Variants in ARHGAP44 observed in about 807,000 individuals in gnomAD.
The protein encoded by ARHGAP44 is Rho GTPase activating protein 44, also known as rho GTPase-activating protein 44.
Under a neutral mutation model 106.8 loss-of-function variants are expected in ARHGAP44, and 43 were observed. That is an observed-to-expected ratio of 0.40 (90% CI 0.32 to 0.52). The LOEUF is 0.52. Among genes scored for constraint, ARHGAP44 ranks in the 20% least tolerant of loss-of-function variants. The pLI is 0.48. For missense variants in ARHGAP44, 866 were observed against 1,050.5 expected (o/e 0.82, Z 2.43); for synonymous variants, 439 against 410.3 (o/e 1.07, Z -0.85).
intron 16 of ARHGAP44, among the ~76,000 whole-genome samples, chr17:12,961,198 T>C (rs989502450): frequency 1.3e-5 from 2 of 152,126 alleles, no homozygotes; most frequent in Admixed American, 1.3e-4. Flanking sequence ...GCAGATGCAT[T>C]GGAGTACTCA....
chr17:12,938,593 A>C (rs2038617139), intron 7 of ARHGAP44, among the ~76,000 whole-genome samples: 1 of 151,480 alleles, frequency 6.6e-6, no homozygotes, highest in East Asian at 1.9e-4. Flanking sequence ...AAAAAAAAAA[A>C]AAAAAAAAAA....
intron 3 of ARHGAP44, 79 bp from the exon 4 acceptor site, chr17:12,908,818 T>C (rs2037638507): frequency 2.7e-6 from 3 of 1,114,628 alleles, no homozygotes; most frequent in Non-Finnish European, 4.0e-6. Context: ...CCTTGGCAAG[T>C]ATTTGACTTT....
intron 16 of ARHGAP44, among the ~76,000 whole-genome samples, chr17:12,967,566 C>T (rs1350129460): frequency 6.6e-6 from 1 of 152,062 alleles, no homozygotes; most frequent in Non-Finnish European, 1.5e-5. Context: ...ATACCAGTGA[C>T]CTTCTCACTT....
chr17:12,907,739 C>T (rs577894577), intron 3 of ARHGAP44, among the ~76,000 whole-genome samples: 7 of 152,242 alleles, frequency 4.6e-5, no homozygotes, highest in African/African-American at 1.7e-4. Context: ...TTGAGTTGTT[C>T]CCACCTTTTG....
chr17:12,941,713 A>T (rs1429979883), intron 8 of ARHGAP44, among the ~76,000 whole-genome samples: 1 of 152,234 alleles, frequency 6.6e-6, no homozygotes, highest in African/African-American at 2.4e-5. Context: ...CTCACCAATC[A>T]AAGTGATTTA....
chr17:12,808,762 C>T (rs1341824396), intron 1 of ARHGAP44, among the ~76,000 whole-genome samples: 1 of 152,178 alleles, frequency 6.6e-6, no homozygotes, highest in Non-Finnish European at 1.5e-5. Context: ...TAAGATTTGG[C>T]TCCTCGTTAC....
chr17:12,829,417 A>G (rs1190283170), intron 1 of ARHGAP44, among the ~76,000 whole-genome samples: 1 of 152,034 alleles, frequency 6.6e-6, no homozygotes, highest in African/African-American at 2.4e-5. Flanking sequence ...TTCTTATAGT[A>G]TATATTGTCT....
At chr17:12,960,136 A>G (rs2039223639) in intron 16 of ARHGAP44, among the ~76,000 whole-genome samples, 1 of 152,154 alleles carries the variant, frequency 6.6e-6, no homozygotes, top group Non-Finnish European at 1.5e-5. Flanking sequence ...GACAATTTGT[A>G]TGTGGCAGAT....
chr17:12,980,343 G>A (rs1408411526), intron 19 of ARHGAP44, 110 bp downstream of exon 19: 3 of 1,192,802 alleles, frequency 2.5e-6, no homozygotes, highest in Non-Finnish European at 3.5e-6. Flanking sequence ...GTGTGGTTTA[G>A]TGACTAATTC....
chr17:12,812,155 C>T (rs1364195408), intron 1 of ARHGAP44, among the ~76,000 whole-genome samples: 3 of 152,222 alleles, frequency 2.0e-5, no homozygotes, highest in East Asian at 1.9e-4. Context: ...ATCTTACCCT[C>T]GAGGGGCTTA....
intron 19 of ARHGAP44, among the ~76,000 whole-genome samples, chr17:12,983,846 G>A (rs916112096): frequency 6.6e-6 from 1 of 152,044 alleles, no homozygotes; most frequent in Non-Finnish European, 1.5e-5. Flanking sequence ...GAAAAACAAC[G>A]AAAAATGCAG....
intron 3 of ARHGAP44, 85 bp from the exon 4 acceptor site, chr17:12,908,812 G>A (rs1212819084): frequency 9.6e-6 from 10 of 1,037,310 alleles, no homozygotes; most frequent in African/African-American, 1.6e-5. Context: ...ATAATACCTT[G>A]GCAAGTATTT....
chr17:12,947,803 G>A (rs561896091), intron 10 of ARHGAP44, among the ~76,000 whole-genome samples: 2 of 152,292 alleles, frequency 1.3e-5, no homozygotes, highest in East Asian at 3.9e-4. Context: ...GCAGTTGGCT[G>A]TCTTTGTCGT....
Position 12,861,644 on chromosome 17 carries a change from C to CTTTTTTTTTTTTTTTTTTTTTTT in ARHGAP44, c.54-33282_54-33281insTTTTTTTTTTTTTTTTTTTTTTT, listed in dbSNP as rs71144930. Among the ~76,000 whole-genome samples the CTTTTTTTTTTTTTTTTTTTTTTT allele has an allele frequency of 4.8e-3, 325 of 67,700 alleles. 83 individuals are homozygous for CTTTTTTTTTTTTTTTTTTTTTTT. The highest frequency in any genetic ancestry group is 7.0e-3 in the Non-Finnish European group (243 of 34,914). The allele number at this position is 67,700 out of a possible 152,430, so 44.4% of individuals were successfully genotyped here. A position where few individuals can be genotyped will look rare whatever the true frequency, so the allele number is the denominator to read the frequency against. On this transcript the variant is annotated intron_variant, in intron 1 of 20. Coordinates refer to ENST00000379672, the MANE Select transcript of ARHGAP44 (RefSeq NM_014859.6). Reference sequence around the variant, plus strand: ...AATTCCTCTTCTGCCTCCTCTTCCACTTTTTTTTTTTTTTGAGATGGAATC... The same window carrying CTTTTTTTTTTTTTTTTTTTTTTT: ...AATTCCTCTTCTGCCTCCTCTTCCACTTTTTTTTTTTTTTTTTTTTTTTTTTTTTTTTTTTTTGAGATGGAATC...
chr17:12,935,180 GATA>G (rs1164245815), intron 7 of ARHGAP44, among the ~76,000 whole-genome samples: 2 of 152,174 alleles, frequency 1.3e-5, no homozygotes, highest in South Asian at 2.1e-4. Context: ...CTATGTTGAA[GATA>G]ATAATAAAAT....
At chr17:12,890,295 T>C (rs2037004207) in intron 1 of ARHGAP44, among the ~76,000 whole-genome samples, 2 of 152,124 alleles carry the variant, frequency 1.3e-5, no homozygotes, top group Admixed American at 6.6e-5. Context: ...GAAATCTAGG[T>C]GGAGGTAGTT....
Position 12,849,214 on chromosome 17 carries a change from C to CGTGTGTGTGT in ARHGAP44, c.54-45716_54-45707dup, listed in dbSNP as rs112920406. Among the ~76,000 whole-genome samples the CGTGTGTGTGT allele has an allele frequency of 2.2e-4, 33 of 149,280 alleles. No homozygotes were observed. In the South Asian group the frequency reaches 5.1e-3, roughly 23 times the overall value. On this transcript the variant is annotated intron_variant, in intron 1 of 20. Coordinates refer to ENST00000379672, the MANE Select transcript of ARHGAP44 (RefSeq NM_014859.6). ...GCCAGAGATCTTAAACTGAGGTGGG[C>CGTGTGTGTGT]GTGTGTGTGTGTGTGTGTGCGCACA...
chr17:12,963,385 C>T (rs2039310876), intron 16 of ARHGAP44, among the ~76,000 whole-genome samples: 1 of 152,194 alleles, frequency 6.6e-6, no homozygotes, highest in South Asian at 2.1e-4. Context: ...TACCATCCTA[C>T]ATGGAAATCC....
intron 1 of ARHGAP44, among the ~76,000 whole-genome samples, chr17:12,852,947 G>A (rs921129644): frequency 6.6e-6 from 1 of 152,194 alleles, no homozygotes; most frequent in Non-Finnish European, 1.5e-5. Flanking sequence ...CAAGATATTC[G>A]AAGTGTGAGG....
Sources: allele counts gnomAD v4.1 joint callset (sites outside exome capture counted in the v4.1 genomes callset), GRCh38; gene constraint gnomAD v4.1.1; transcripts MANE v1.5; gene names NCBI Gene and HGNC (gene_info 2026-07-23, HGNC 2026-07-21).